The following RYK variants were observed in gnomAD, a reference collection of about 807,000 sequenced individuals.
RYK encodes inactive tyrosine-protein kinase RYK.
Under a neutral mutation model 70.2 loss-of-function variants are expected in RYK, and 21 were observed. The observed-to-expected ratio is 0.30, with a 90% CI of 0.21 to 0.43. The LOEUF (loss-of-function observed/expected upper bound fraction) is 0.43, where lower values mean the gene tolerates loss of function less well. Among genes scored for constraint, RYK ranks in the 20% least tolerant of loss-of-function variants. The pLI is 1.00. For synonymous variants in RYK, 267 were observed against 278.0 expected (o/e 0.96, Z 0.39); for missense variants, 604 against 753.3 (o/e 0.80, Z 2.32).
At chr3:134,249,816 A>T (rs2015559916) in intron 1 of RYK, among the ~76,000 whole-genome samples, 1 of 151,974 alleles carries the variant, frequency 6.6e-6, no homozygotes, top group Admixed American at 6.5e-5. Flanking sequence ...TTCACTAAAA[A>T]TATGCTTAGA....
At chr3:134,200,747 C>T (rs1166631114) in intron 6 of RYK, among the ~76,000 whole-genome samples, 1 of 152,164 alleles carries the variant, frequency 6.6e-6, no homozygotes, top group Non-Finnish European at 1.5e-5. Context: ...GCCCATAAAA[C>T]TAGTAAACAG....
intron 7 of RYK, among the ~76,000 whole-genome samples, chr3:134,192,562 T>C (rs2013678995): frequency 6.6e-6 from 1 of 152,098 alleles, no homozygotes; most frequent in Non-Finnish European, 1.5e-5. Context: ...GATTCAAATT[T>C]AATAAGTTCC....
intron 4 of RYK, 100 bp from the exon 5 acceptor site, chr3:134,207,625 G>C: frequency 1.4e-6 from 1 of 714,452 alleles, no homozygotes; most frequent in East Asian, 2.8e-5. Flanking sequence ...TCAGCAACAG[G>C]TATGTGTTGC....
At chr3:134,219,077 G>C (rs756614108) in intron 2 of RYK, among the ~76,000 whole-genome samples, 2 of 152,144 alleles carry the variant, frequency 1.3e-5, no homozygotes, top group African/African-American at 2.4e-5. Flanking sequence ...ACCTGCCAAA[G>C]AGGTAACTTA....
intron 2 of RYK, among the ~76,000 whole-genome samples, chr3:134,221,430 C>T (rs2014734999): frequency 6.6e-6 from 1 of 151,838 alleles, no homozygotes; most frequent in African/African-American, 2.4e-5. Context: ...GTCTCGATCT[C>T]CTGACCTTGT....
At chr3:134,214,387 G>A (rs1384062354) in intron 2 of RYK, among the ~76,000 whole-genome samples, 1 of 152,162 alleles carries the variant, frequency 6.6e-6, no homozygotes, top group Non-Finnish European at 1.5e-5. Flanking sequence ...TTATGAGCCA[G>A]GTGCTGTGTT....
At chr3:134,175,401 A>G (rs1161862184) in intron 13 of RYK, among the ~76,000 whole-genome samples, 1 of 151,904 alleles carries the variant, frequency 6.6e-6, no homozygotes, top group Non-Finnish European at 1.5e-5. Flanking sequence ...ATGAAATGAG[A>G]TTACAAACAG....
intron 5 of RYK, among the ~76,000 whole-genome samples, chr3:134,204,699 A>T (rs2014152010): frequency 6.6e-6 from 1 of 151,976 alleles, no homozygotes; most frequent in Non-Finnish European, 1.5e-5. Flanking sequence ...GAAGATGCAA[A>T]CAGAAGTAGA....
At chr3:134,159,460 T>C (rs2012376211) in intron 13 of RYK, 87 bp from the exon 14 acceptor site, 1 of 1,296,050 alleles carries the variant, frequency 7.7e-7, no homozygotes, top group Non-Finnish European at 1.0e-6. Context: ...GGACAAAAAA[T>C]AACAGCTCAA....
chr3:134,190,847 C>A (rs1392323437), intron 8 of RYK, among the ~76,000 whole-genome samples: 2 of 151,738 alleles, frequency 1.3e-5, no homozygotes, highest in Admixed American at 6.6e-5. Flanking sequence ...TTTTTTTATT[C>A]TTTAGGAAAT....
At chr3:134,228,712 G>T (rs1262065162) in intron 1 of RYK, among the ~76,000 whole-genome samples, 1 of 152,194 alleles carries the variant, frequency 6.6e-6, no homozygotes. Context: ...GCGGGGAGGG[G>T]AAAGTGGAGG....
chr3:134,191,460 A>G (rs1042540255), intron 8 of RYK, among the ~76,000 whole-genome samples: 2 of 152,218 alleles, frequency 1.3e-5, no homozygotes, highest in African/African-American at 4.8e-5. Context: ...ACTAAGGACC[A>G]AAACCAAAGC....
At chr3:134,249,922 T>G (rs867401959) in intron 1 of RYK, among the ~76,000 whole-genome samples, 15,781 of 134,038 alleles carry the variant, frequency 0.12, 1,135 homozygotes, top group East Asian at 0.4. Flanking sequence ...CTCTCGTTTT[T>G]TTTTTTTTTT....
In RYK at chr3:134,211,573, A is replaced by G. The variant is rs758526926; in HGVS notation, c.389T>C (p.Val130Ala). 3.4e-5 allele frequency: 55 copies of G among 1,613,664 alleles called. No individual in the cohort carries two copies. Among genetic ancestry groups the G allele is most frequent in the Non-Finnish European group, 4.6e-5 (54 of 1,179,754 alleles). ...EYKLGFQVDN[V>A]LAMDMPQVNI... ...GACCTGGGGCATATCCATTGCCAAA[A>G]CATTGTCCACTTGGAATCCCAGCTT... is the stretch of plus-strand genomic sequence containing the variant. The change falls in exon 3 of 15, where the codon GTT (valine) becomes GCT (alanine). Residue 130 changes from valine (V) to alanine (A), a missense_variant. Physicochemically the swap from Val to Ala is moderately conservative, Grantham distance 64. Around this residue, in one of 2 missense-constraint regions of RYK, gnomAD observed 466 missense variants for 535.9 expected, o/e 0.87. Coordinates refer to ENST00000623711, the MANE Select transcript of RYK (RefSeq NM_002958.4).
chr3:134,226,867 A>G (rs1001893418), intron 1 of RYK, among the ~76,000 whole-genome samples: 2 of 152,176 alleles, frequency 1.3e-5, no homozygotes, highest in South Asian at 4.1e-4. Context: ...TCAATGGTAA[A>G]TTATTAAATC....
rs1248561843 is a variant in RYK at position 134,249,923 on chromosome 3, T to TTG, written c.232+499_232+500insCA. Among the ~76,000 whole-genome samples, 101 of 139,322 alleles carry TTG rather than the reference T, an allele frequency of 7.2e-4. 1 individual carries two copies. Among genetic ancestry groups the TTG allele is most frequent in the Non-Finnish European group, 1.2e-3 (76 of 65,994 alleles). 91.4% of individuals were successfully genotyped at this position (139,322 alleles called of 152,430 possible). ...CTCCCCTTCTTTCTCTCTCGTTTTT[T>TTG]TTTTTTTTTTTTTTTTTTTTGTAAA... On this transcript the variant is annotated intron_variant, in intron 1 of 14. Coordinates refer to ENST00000623711, the MANE Select transcript of RYK (RefSeq NM_002958.4).
At chr3:134,161,818 T>G (rs1342183139) in intron 13 of RYK, among the ~76,000 whole-genome samples, 1 of 151,162 alleles carries the variant, frequency 6.6e-6, no homozygotes, top group African/African-American at 2.5e-5. Flanking sequence ...TCTATCAAAC[T>G]TGAAAGAAAA....
intron 13 of RYK, among the ~76,000 whole-genome samples, chr3:134,160,836 C>T (rs532458004): frequency 6.6e-6 from 1 of 152,174 alleles, no homozygotes; most frequent in African/African-American, 2.4e-5. Flanking sequence ...GCCTGGGCAA[C>T]AAAGCGAGAC....
chr3:134,233,045 G>A (rs1459327186), intron 1 of RYK, among the ~76,000 whole-genome samples: 1 of 152,194 alleles, frequency 6.6e-6, no homozygotes, highest in Non-Finnish European at 1.5e-5. Context: ...TTACTCTGGT[G>A]CCCACCTTTA....
Sources: allele counts gnomAD v4.1 joint callset (sites outside exome capture counted in the v4.1 genomes callset), GRCh38; gene constraint gnomAD v4.1.1; regional missense constraint gnomAD v4.1.1; transcripts MANE v1.5; gene names NCBI Gene and HGNC (gene_info 2026-07-23, HGNC 2026-07-21).